Variants in UBR1 observed in about 807,000 individuals in gnomAD.
UBR1 encodes the protein ubiquitin protein ligase E3 component n-recognin 1.
In UBR1, 102 loss-of-function variants were observed where a neutral mutation model predicts 242.1. That is an observed-to-expected ratio of 0.42 (90% CI 0.36 to 0.50). The LOEUF (loss-of-function observed/expected upper bound fraction) is 0.50, where lower values mean the gene tolerates loss of function less well. UBR1 is among the 20% of genes least tolerant of loss of function. UBR1 has a pLI of 0.01. For missense variants in UBR1, 1,772 were observed against 2,101.8 expected (o/e 0.84, Z 3.07); for synonymous variants, 675 against 684.8 (o/e 0.99, Z 0.22).
intron 44 of UBR1, among the ~76,000 whole-genome samples, chr15:42,954,732 AT>A (rs919006683): frequency 5.9e-5 from 9 of 151,806 alleles, no homozygotes; most frequent in Non-Finnish European, 1.0e-4. Context: ...TACCTGGCTA[AT>A]TTTTTTTGTA....
At position 43,022,684 on chromosome 15, in the gene UBR1, AGTGATACT is replaced by A. The variant is rs2033125775; in HGVS notation, c.2839+10_2839+17del. The stretch of plus-strand genomic sequence containing the variant: ...ACTTTCAATGACAAATGTGTTGAAG[AGTGATACT>A]CAAACATACTTGAAGCCTTATGATA... On this transcript the variant is annotated intron_variant, in intron 26 of 46. Coordinates refer to ENST00000290650, the MANE Select transcript of UBR1 (RefSeq NM_174916.3). 6.5e-7 allele frequency: 1 copy of A among 1,529,506 alleles called. No homozygotes were observed. The highest frequency in any genetic ancestry group is 1.1e-5 in the South Asian group (1 of 88,846). The allele number at this position is 1,529,506 out of a possible 1,614,324, so 94.7% of individuals were successfully genotyped here. A position where few individuals can be genotyped will look rare whatever the true frequency, so the allele number is the denominator to read the frequency against.
intron 14 of UBR1, among the ~76,000 whole-genome samples, chr15:43,043,598 G>A (rs948528565): frequency 1.3e-5 from 2 of 152,024 alleles, no homozygotes; most frequent in African/African-American, 2.4e-5. Flanking sequence ...CTACAGGCGC[G>A]TGCCACCATG....
Position 43,037,370 on chromosome 15 carries a change from G to GA in UBR1, c.2022+402dup, listed in dbSNP as rs1200709381. Among the ~76,000 whole-genome samples, 202 of 142,768 alleles carry GA rather than the reference G, an allele frequency of 1.4e-3. 1 individual carries two copies. Among genetic ancestry groups the GA allele is most frequent in the African/African-American group, 4.1e-3 (158 of 38,520 alleles). 93.7% of individuals were successfully genotyped at this position (142,768 alleles called of 152,430 possible). A position where few individuals can be genotyped will look rare whatever the true frequency, so the allele number is the denominator to read the frequency against. On this transcript the variant is annotated intron_variant, in intron 17 of 46. Transcript: ENST00000290650. ...GTCTCAAAAAAAAAAAAAGAAAAAG[G>GA]AAAAAAAAAAGAAAAGAAAAGCACT...
intron 29 of UBR1, 174 bp downstream of exon 29, chr15:43,015,514 G>A (rs915358576): frequency 2.7e-5 from 17 of 638,936 alleles, no homozygotes; most frequent in Admixed American, 5.0e-5. Context: ...GCGGAAGGCC[G>A]CAGGGTCCTC....
Position 43,002,677 on chromosome 15 carries a change from A to C in UBR1, c.3537T>G (p.Ser1179=), listed in dbSNP as rs1408800821. Residue 1179 remains serine (S), a synonymous_variant, in exon 32 of 47, where the codon TCT becomes TCG. Transcript: ENST00000290650. Reference sequence around the variant, plus strand: ...AAAGGTCAACATGAATGCGCTGCTGAGAGCTCAGCTGTACAGCTTCAAAAT... The same window carrying C: ...AAAGGTCAACATGAATGCGCTGCTGCGAGCTCAGCTGTACAGCTTCAAAAT... ...QKYFEAVQLS[S]QQRIHVDLFD... The C allele has an allele frequency of 1.3e-5, 21 of 1,614,062 alleles. No individual in the cohort carries two copies. The highest frequency in any genetic ancestry group is 1.7e-5 in the Non-Finnish European group (20 of 1,180,034).
intron 1 of UBR1, among the ~76,000 whole-genome samples, chr15:43,090,891 A>T (rs964548230): frequency 6.6e-6 from 1 of 152,210 alleles, no homozygotes. Flanking sequence ...TTCAGTGCCC[A>T]TTCTACTAAA....
chr15:42,977,525 G>T (rs2032308734), intron 38 of UBR1, among the ~76,000 whole-genome samples: 1 of 152,088 alleles, frequency 6.6e-6, no homozygotes, highest in African/African-American at 2.4e-5. Flanking sequence ...AATAATTAAT[G>T]ATTTTAAGAG....
At position 43,001,654 on chromosome 15, in the gene UBR1, T is replaced by C. The variant is rs79984506; in HGVS notation, c.3659+901A>G. Among the ~76,000 whole-genome samples the C allele has an allele frequency of 2.3e-3, 352 of 152,312 alleles. 1 individual carries two copies. The highest frequency in any genetic ancestry group is 8.7e-3 in the South Asian group (42 of 4,832). On this transcript the variant is annotated intron_variant, in intron 32 of 46. Transcript: ENST00000290650. ...GTACAACAGTGAGAATATAGAAATA[T>C]ATAATTAAATTTCCAAGATGTTATA...
chr15:43,060,675 C>A (rs1198273522), intron 6 of UBR1, among the ~76,000 whole-genome samples: 2 of 152,054 alleles, frequency 1.3e-5, no homozygotes, highest in East Asian at 3.9e-4. Flanking sequence ...CACTGTCTTC[C>A]TCATTTAACC....
In UBR1 at chr15:43,036,007, C is replaced by A. The variant is rs1596112107; in HGVS notation, c.2190+171G>T. Among the ~76,000 whole-genome samples the A allele has an allele frequency of 2.0e-5, 3 of 152,018 alleles. No individual in the cohort carries two copies. In the South Asian group the frequency reaches 6.2e-4, roughly 32 times the overall value. On this transcript the variant is annotated intron_variant, in intron 19 of 46. Coordinates refer to ENST00000290650, the MANE Select transcript of UBR1 (RefSeq NM_174916.3). ...TGACGAGTTAGTGGGTGCAGCGCAC[C>A]AGCATGGCACATGTATACATATGTA...
intron 41 of UBR1, 23 bp downstream of exon 41, chr15:42,966,130 C>G (rs1398984120): frequency 6.2e-7 from 1 of 1,613,920 alleles, no homozygotes; most frequent in Non-Finnish European, 8.5e-7. Context: ...TTTTCCACTC[C>G]ATGATTTCAT....
intron 27 of UBR1, among the ~76,000 whole-genome samples, chr15:43,019,230 GT>G (rs2033071337): frequency 6.6e-6 from 1 of 151,544 alleles, no homozygotes; most frequent in Admixed American, 6.6e-5. Flanking sequence ...CCTGGCTAAT[GT>G]TTTTTGTATT....
At chr15:43,073,575 A>T (rs2033850846) in intron 4 of UBR1, among the ~76,000 whole-genome samples, 1 of 152,216 alleles carries the variant, frequency 6.6e-6, no homozygotes, top group Non-Finnish European at 1.5e-5. Flanking sequence ...ACCAATTTTA[A>T]TAGTAAGAAA....
chr15:43,058,858 G>A (rs1436461041), intron 9 of UBR1, among the ~76,000 whole-genome samples: 2 of 151,936 alleles, frequency 1.3e-5, no homozygotes, highest in Admixed American at 6.6e-5. Context: ...TTTTTGACTG[G>A]CTCTCACTAA....
At chr15:43,012,286 T>C (rs2032935194) in intron 29 of UBR1, among the ~76,000 whole-genome samples, 1 of 151,252 alleles carries the variant, frequency 6.6e-6, no homozygotes, top group East Asian at 1.9e-4. Flanking sequence ...AAAAGATTCC[T>C]AAGACACTGA....
chr15:43,005,249 G>C (rs1043097537), intron 30 of UBR1, among the ~76,000 whole-genome samples: 19 of 151,958 alleles, frequency 1.3e-4, no homozygotes, highest in Middle Eastern at 6.8e-3. Context: ...AGGTGGGGGG[G>C]CAGCCTCTGC....
chr15:43,040,990 T>TGG (rs1220826783), intron 15 of UBR1, among the ~76,000 whole-genome samples: 2 of 152,190 alleles, frequency 1.3e-5, no homozygotes, highest in Non-Finnish European at 1.5e-5. Flanking sequence ...TTTACACTGT[T>TGG]GGTGGGACTG....
intron 1 of UBR1, among the ~76,000 whole-genome samples, chr15:43,093,785 G>A (rs567350299): frequency 7.4e-4 from 86 of 116,610 alleles, no homozygotes; most frequent in African/African-American, 2.9e-3. Flanking sequence ...GTGAGGCTCC[G>A]TCTCCAAAAA....
chr15:43,033,447 C>A, intron 19 of UBR1, among the ~76,000 whole-genome samples: 1 of 151,960 alleles, frequency 6.6e-6, no homozygotes, highest in Admixed American at 6.6e-5. Context: ...AGTTTGAGAC[C>A]AGCCTGACCA....
Sources: gnomAD v4.1 joint callset for allele counts (sites outside exome capture counted in the v4.1 genomes callset) on GRCh38, gnomAD v4.1.1 for gene constraint, MANE v1.5 for transcripts, NCBI Gene and HGNC (gene_info 2026-07-23, HGNC 2026-07-21) for gene names.